The following TRABD2B variants were observed in gnomAD, a reference collection of about 807,000 sequenced individuals.
The protein encoded by TRABD2B is metalloprotease TIKI2.
Under a neutral mutation model 40.1 loss-of-function variants are expected in TRABD2B, and 14 were observed. That is an observed-to-expected ratio of 0.35 (90% CI 0.23 to 0.55). The LOEUF (loss-of-function observed/expected upper bound fraction) is 0.55. TRABD2B is among the 20% of genes least tolerant of loss of function. TRABD2B has a pLI of 0.90. For missense variants in TRABD2B, 541 were observed against 648.6 expected (o/e 0.83, Z 1.80); for synonymous variants, 263 against 277.0 (o/e 0.95, Z 0.50).
At chr1:47,875,483 T>A (rs1644210133) in intron 2 of TRABD2B, among the ~76,000 whole-genome samples, 1 of 151,494 alleles carries the variant, frequency 6.6e-6, no homozygotes, top group South Asian at 2.1e-4. Flanking sequence ...CCCCAGGAGT[T>A]CAAGACCAGC....
At position 47,984,357 on chromosome 1, in the gene TRABD2B, C is replaced by T. The variant is rs574600979; in HGVS notation, c.666+9677G>A. The stretch of plus-strand genomic sequence containing the variant: ...ACTGCGGCCCCCAAGGCGCAGCCGC[C>T]CAACCGCTGCTCTTTTAGGAAACGT... On this transcript the variant is annotated intron_variant, in intron 2 of 6. Transcript: ENST00000606738. Among the ~76,000 whole-genome samples, 24 of 152,348 alleles carry T rather than the reference C, an allele frequency of 1.6e-4. No individual in the cohort carries two copies. The South Asian group carries it at 4.6e-3, about 29-fold the overall frequency.
rs1644013219 is a variant in TRABD2B, at chr1:47,863,759, A to T, written c.667-62140T>A. On this transcript the variant is annotated intron_variant, in intron 2 of 6. Coordinates refer to ENST00000606738, the MANE Select transcript of TRABD2B (RefSeq NM_001194986.2). ...TCATACTCCTTGGTACTTACCCAAAAATTTGAAAACTTATGTCCATACAAA... is the reference window on the plus strand; with the variant it reads ...TCATACTCCTTGGTACTTACCCAAATATTTGAAAACTTATGTCCATACAAA... Among the ~76,000 whole-genome samples the T allele has an allele frequency of 2.6e-5, 4 of 152,282 alleles. No homozygotes were observed. The South Asian group carries it at 6.2e-4, about 24-fold the overall frequency.
At chr1:47,867,443 G>A (rs901913709) in intron 2 of TRABD2B, among the ~76,000 whole-genome samples, 1 of 152,138 alleles carries the variant, frequency 6.6e-6, no homozygotes, top group African/African-American at 2.4e-5. Flanking sequence ...GATTAAATAC[G>A]ATAATGTTTG....
chr1:47,832,687 T>G lies in TRABD2B; in HGVS notation c.667-31068A>C, dbSNP rs545904197. Among the ~76,000 whole-genome samples the G allele has an allele frequency of 5.4e-4, 83 of 152,348 alleles. 1 individual carries two copies. Among genetic ancestry groups the G allele is most frequent in the African/African-American group, 2.0e-3 (82 of 41,574 alleles). ...TAGGGACTAACATTACTTGAGCACCTGCTGTCTACAAGTCTTGACGCTGGG... is the reference window on the plus strand; with the variant it reads ...TAGGGACTAACATTACTTGAGCACCGGCTGTCTACAAGTCTTGACGCTGGG... On this transcript the variant is annotated intron_variant, in intron 2 of 6. Transcript: ENST00000606738.
chr1:47,786,184 A>G (rs2406333), intron 4 of TRABD2B, among the ~76,000 whole-genome samples: 3,850 of 152,336 alleles, frequency 0.025, 171 homozygotes, highest in African/African-American at 0.087. Context: ...GAAGCAACTG[A>G]TCTGCCCAAG....
chr1:47,811,376 T>G (rs1042809863), intron 2 of TRABD2B, among the ~76,000 whole-genome samples: 4 of 152,284 alleles, frequency 2.6e-5, no homozygotes, highest in Non-Finnish European at 5.9e-5. Flanking sequence ...CACCTCCATC[T>G]GCCCTGCAGT....
chr1:47,809,732 C>T (rs1012165754), intron 2 of TRABD2B, among the ~76,000 whole-genome samples: 12 of 152,154 alleles, frequency 7.9e-5, no homozygotes, highest in African/African-American at 2.2e-4. Flanking sequence ...ATCCTGTCTC[C>T]GGACACTGGG....
intron 2 of TRABD2B, among the ~76,000 whole-genome samples, chr1:47,885,604 C>T (rs147770974): frequency 3.9e-5 from 6 of 152,106 alleles, no homozygotes; most frequent in Non-Finnish European, 7.4e-5. Flanking sequence ...TGCTCTCCCC[C>T]CAAATCTCTG....
intron 2 of TRABD2B, among the ~76,000 whole-genome samples, chr1:47,958,093 CA>C (rs1171589421): frequency 6.6e-6 from 1 of 151,874 alleles, no homozygotes; most frequent in Non-Finnish European, 1.5e-5. Flanking sequence ...CCCAGAATTT[CA>C]TATCCAGCCA....
chr1:47,850,424 C>T (rs1487484812), intron 2 of TRABD2B, among the ~76,000 whole-genome samples: 1 of 152,228 alleles, frequency 6.6e-6, no homozygotes, highest in Non-Finnish European at 1.5e-5. Flanking sequence ...CCAAAATAAT[C>T]CGAAAGGCCT....
intron 2 of TRABD2B, among the ~76,000 whole-genome samples, chr1:47,941,256 C>T (rs1042472670): frequency 1.6e-4 from 25 of 152,120 alleles, no homozygotes; most frequent in Non-Finnish European, 2.9e-4. Flanking sequence ...CCCAAGCTTC[C>T]GCTAGCCACA....
At chr1:47,883,671 T>A (rs1644334815) in intron 2 of TRABD2B, among the ~76,000 whole-genome samples, 1 of 152,040 alleles carries the variant, frequency 6.6e-6, no homozygotes, top group South Asian at 2.1e-4. Context: ...ATATGTACTG[T>A]CTTCACCAAA....
chr1:47,957,830 C>T (rs1489666710), intron 2 of TRABD2B, among the ~76,000 whole-genome samples: 2 of 152,124 alleles, frequency 1.3e-5, no homozygotes, highest in African/African-American at 2.4e-5. Context: ...CAACGCAGGC[C>T]AACATTCAAA....
intron 2 of TRABD2B, among the ~76,000 whole-genome samples, chr1:47,903,500 TGTGCCCCCAGGGCC>T (rs1644631977): frequency 1.3e-5 from 2 of 152,128 alleles, no homozygotes; most frequent in Non-Finnish European, 2.9e-5. Context: ...GCACTGTGTC[TGTGCCCCCAGGGCC>T]CAGCAGAGCC....
chr1:47,949,108 T>C (rs1334138321), intron 2 of TRABD2B, among the ~76,000 whole-genome samples: 1 of 152,226 alleles, frequency 6.6e-6, no homozygotes, highest in Non-Finnish European at 1.5e-5. Context: ...CTAATAATAG[T>C]AAAATTGCTA....
chr1:47,774,731 C>T (rs955629071), intron 6 of TRABD2B, among the ~76,000 whole-genome samples: 1 of 152,244 alleles, frequency 6.6e-6, no homozygotes, highest in African/African-American at 2.4e-5. Context: ...TCTCTTAGAG[C>T]ACGGTTCCCT....
intron 2 of TRABD2B, among the ~76,000 whole-genome samples, chr1:47,926,903 T>C (rs576125558): frequency 1.3e-5 from 2 of 152,254 alleles, no homozygotes; most frequent in East Asian, 3.9e-4. Context: ...GGATGCAGGT[T>C]CAGTATACAT....
chr1:47,994,650 G>C lies in TRABD2B; in HGVS notation c.103-53C>G. 1 of 1,482,298 alleles carries C rather than the reference G, an allele frequency of 6.7e-7. No individual in the cohort carries two copies. The highest frequency in any genetic ancestry group is 9.0e-7 in the Non-Finnish European group (1 of 1,112,342). 91.8% of individuals were successfully genotyped at this position (1,482,298 alleles called of 1,614,324 possible). ...GTGAGGCCGAAGGCAACAGAGTAGA[G>C]TCAGGGTAGCCCAGAGGCACGTTGC... On this transcript the variant is annotated intron_variant, in intron 1 of 6. Transcript: ENST00000606738. This position sits in a 1 kb window ranked among gnomAD's most constrained non-coding sequence, Gnocchi z 6.7.
At chr1:47,778,637 C>A in intron 4 of TRABD2B, 93 bp from the exon 5 acceptor site, 1 of 868,912 alleles carries the variant, frequency 1.2e-6, no homozygotes, top group Admixed American at 2.0e-5. Context: ...TGTATCTGGG[C>A]CAGTGACCTA....
Sources: gnomAD v4.1 joint callset for allele counts (sites outside exome capture counted in the v4.1 genomes callset) on GRCh38, gnomAD v4.1.1 for gene constraint, Gnocchi (gnomAD v3.1) non-coding constraint, MANE v1.5 for transcripts, NCBI Gene and HGNC (gene_info 2026-07-23, HGNC 2026-07-21) for gene names.